The following SLC7A9 variants were observed in gnomAD, a reference collection of about 807,000 sequenced individuals.
The protein encoded by SLC7A9 is solute carrier family 7 member 9.
In SLC7A9, 38 loss-of-function variants were observed where a neutral mutation model predicts 54.1. The ratio of observed to expected loss-of-function variants is 0.70; its 90% confidence interval spans 0.54 to 0.92. SLC7A9 has a LOEUF of 0.92. SLC7A9 is among the 40% of genes least tolerant of loss of function. SLC7A9 has a pLI of 0.00. For missense variants in SLC7A9, 537 were observed against 636.1 expected, an observed-to-expected ratio of 0.84 and a Z score of 1.68; for synonymous variants, 264 against 258.9, an observed-to-expected ratio of 1.02 and a Z score of -0.19.
At chr19:32,841,628 T>C (rs1968129690) in intron 11 of SLC7A9, among the ~76,000 whole-genome samples, 2 of 152,114 alleles carry the variant, frequency 1.3e-5, no homozygotes, top group Admixed American at 1.3e-4. Context: ...AGAACTGGGC[T>C]GGGTGCAGTA....
In SLC7A9 at chr19:32,864,340, T is replaced by C; in HGVS notation, c.236-2A>G. The C allele has an allele frequency of 6.2e-7, 1 of 1,613,810 alleles. No homozygotes were observed. The highest frequency in any genetic ancestry group is 8.5e-7 in the Non-Finnish European group (1 of 1,179,964). ...CAAGCTCCGCAAAGCACAGGGCACC[T>C]GGAACACAGAGAGGAAGGGCCCACA... On this transcript the variant is annotated splice_acceptor_variant, in intron 3 of 12. Coordinates refer to ENST00000023064, the MANE Select transcript of SLC7A9 (RefSeq NM_014270.5). LOFTEE classifies it high-confidence loss of function.
intron 2 of SLC7A9, among the ~76,000 whole-genome samples, chr19:32,866,529 A>AT (rs1222521661): frequency 1.3e-5 from 2 of 152,020 alleles, no homozygotes; most frequent in Non-Finnish European, 2.9e-5. Flanking sequence ...GGCTCAAGGG[A>AT]TCCTCCCACC....
At chr19:32,847,975 C>G (rs1968350721) in intron 9 of SLC7A9, among the ~76,000 whole-genome samples, 1 of 152,044 alleles carries the variant, frequency 6.6e-6, no homozygotes, top group Non-Finnish European at 1.5e-5. Flanking sequence ...ACTTTACAGA[C>G]AAGCAAATGC....
At chr19:32,842,419 G>T in intron 10 of SLC7A9, 102 bp from the exon 11 acceptor site, 3 of 1,159,956 alleles carry the variant, frequency 2.6e-6, no homozygotes, top group Non-Finnish European at 3.8e-6. Context: ...AAACACTTTA[G>T]CATGAAACGA....
intron 11 of SLC7A9, among the ~76,000 whole-genome samples, chr19:32,836,813 T>G (rs1330748519): frequency 6.6e-6 from 1 of 152,236 alleles, no homozygotes; most frequent in African/African-American, 2.4e-5. Flanking sequence ...AAAACTTACC[T>G]CTTCATTGTG....
At chr19:32,859,138 C>T (rs551750390) in intron 8 of SLC7A9, among the ~76,000 whole-genome samples, 3 of 142,568 alleles carry the variant, frequency 2.1e-5, no homozygotes, top group East Asian at 2.1e-4. Flanking sequence ...CTTGCTCTGT[C>T]GCCCAGGCTG....
rs3837976 is a variant in SLC7A9, at chr19:32,842,597, T to TTTTTGTTTTG, written c.1075-290_1075-281dup. On this transcript the variant is annotated intron_variant, in intron 10 of 12. Coordinates refer to ENST00000023064, the MANE Select transcript of SLC7A9 (RefSeq NM_014270.5). Reference sequence around the variant, plus strand: ...GTTGGTGCAAAAGTAACTGTGGGTTTTTTTGTTTTGTTTTGTTTTGTTTTG... The same window carrying TTTTTGTTTTG: ...GTTGGTGCAAAAGTAACTGTGGGTTTTTTTGTTTTGTTTTGTTTTGTTTTGTTTTGTTTTG... 0.26 allele frequency among the ~76,000 whole-genome samples: 38,706 copies of TTTTTGTTTTG among 148,948 alleles called. 5,809 individuals carry two copies. The highest frequency in any genetic ancestry group is 0.45 in the East Asian group (2,246 of 4,978).
At chr19:32,865,958 C>CA (rs34667172) in intron 2 of SLC7A9, among the ~76,000 whole-genome samples, 4,414 of 119,224 alleles carry the variant, frequency 0.037, 238 homozygotes, top group African/African-American at 0.11. Flanking sequence ...GAGACTGTCT[C>CA]AAAAAAAAAA....
At chr19:32,864,479 C>T (rs910496844) in intron 3 of SLC7A9, 141 bp from the exon 4 acceptor site, 65 of 1,500,408 alleles carry the variant, frequency 4.3e-5, no homozygotes, top group South Asian at 1.5e-4. Flanking sequence ...TGAGCTCCAG[C>T]GTTGGACATT....
chr19:32,862,247 G>C (rs776693343), intron 5 of SLC7A9, 30 bp from the exon 6 acceptor site: 92 of 1,564,898 alleles, frequency 5.9e-5, no homozygotes, highest in Non-Finnish European at 7.8e-5. Context: ...TGAACGGCGG[G>C]TGTCAACCGG....
At chr19:32,866,593 G>C (rs897577500) in intron 2 of SLC7A9, among the ~76,000 whole-genome samples, 4 of 152,190 alleles carry the variant, frequency 2.6e-5, no homozygotes, top group African/African-American at 9.7e-5. Context: ...CCTGTCCCCA[G>C]CTCAGAAGAC....
chr19:32,832,237 C>T (rs1007916298), intron 12 of SLC7A9, among the ~76,000 whole-genome samples: 4 of 151,542 alleles, frequency 2.6e-5, no homozygotes, highest in African/African-American at 4.9e-5. Context: ...TGCAGTGAGC[C>T]GAGATCGTGC....
At chr19:32,864,906 G>A in intron 2 of SLC7A9, 130 bp from the exon 3 acceptor site, 1 of 1,218,652 alleles carries the variant, frequency 8.2e-7, no homozygotes. Context: ...CTTCCACCCT[G>A]AGCGGCTGCC....
intron 11 of SLC7A9, among the ~76,000 whole-genome samples, chr19:32,840,281 T>A (rs1968092691): frequency 6.6e-6 from 1 of 152,112 alleles, no homozygotes; most frequent in South Asian, 2.1e-4. Flanking sequence ...CAAGCATTCC[T>A]CCCACCTCAG....
chr19:32,860,496 A>G, intron 7 of SLC7A9, 110 bp downstream of exon 7: 1 of 1,559,520 alleles, frequency 6.4e-7, no homozygotes, highest in South Asian at 1.2e-5. Flanking sequence ...GAAATAATTC[A>G]CTGTCGGGAA....
At position 32,864,418 on chromosome 19, in the gene SLC7A9, G is replaced by T. The variant is rs1232139617; in HGVS notation, c.236-80C>A. ...CCAGGGAGCCTTCCTCCCACCGGAG[G>T]CTGCGCTCGTATGGAGGGGCCCACC... is the stretch of plus-strand genomic sequence containing the variant. On this transcript the variant is annotated intron_variant, in intron 3 of 12. Coordinates refer to ENST00000023064, the MANE Select transcript of SLC7A9 (RefSeq NM_014270.5). 8.8e-6 allele frequency: 14 copies of T among 1,595,360 alleles called. No individual in the cohort carries two copies. In the Admixed American group the frequency reaches 2.4e-4, roughly 27 times the overall value.
At chr19:32,832,876 T>G (rs912892335) in intron 12 of SLC7A9, 1 of 423,726 alleles carries the variant, frequency 2.4e-6, no homozygotes, top group Admixed American at 3.5e-5. Context: ...GCCACTGCAC[T>G]TTAGCCTGGG....
chr19:32,852,824 A>T (rs1335842505), intron 9 of SLC7A9, among the ~76,000 whole-genome samples: 2 of 151,310 alleles, frequency 1.3e-5, no homozygotes, highest in African/African-American at 4.8e-5. Flanking sequence ...TTCTAAGTGT[A>T]TAGGGAATGC....
At chr19:32,838,539 G>A (rs969677091) in intron 11 of SLC7A9, among the ~76,000 whole-genome samples, 3 of 143,668 alleles carry the variant, frequency 2.1e-5, no homozygotes, top group African/African-American at 7.5e-5. Flanking sequence ...ATATATATTT[G>A]TTGTATATAT....
Sources: gnomAD v4.1 joint callset for allele counts (sites outside exome capture counted in the v4.1 genomes callset) on GRCh38, gnomAD v4.1.1 for gene constraint, MANE v1.5 for transcripts, NCBI Gene and HGNC (gene_info 2026-07-23, HGNC 2026-07-21) for gene names.